The following MAP4K3 variants were observed in gnomAD, a reference collection of about 807,000 sequenced individuals.
MAP4K3 encodes mitogen-activated protein kinase kinase kinase kinase 3.
A neutral mutation model predicts 143.5 loss-of-function variants in MAP4K3; 94 were observed. That is an observed-to-expected ratio of 0.65 (90% confidence interval 0.55 to 0.78). The LOEUF is 0.78. Ranked by LOEUF, MAP4K3 falls within the 30% of genes least tolerant of loss-of-function variation. The pLI, the probability that MAP4K3 is intolerant of heterozygous loss-of-function variation, is 0.00. For synonymous variants in MAP4K3, 416 were observed against 347.2 expected (o/e 1.20, Z -2.20); for missense variants, 1,077 against 1,068.1 (o/e 1.01, Z -0.12).
At chr2:39,395,116 A>T (rs1188549962) in intron 1 of MAP4K3, among the ~76,000 whole-genome samples, 2 of 152,016 alleles carry the variant, frequency 1.3e-5, no homozygotes, top group East Asian at 1.9e-4. Context: ...CAGTTTAATT[A>T]AAAAAAAGAG....
chr2:39,395,752 CA>C (rs770366548), intron 1 of MAP4K3, among the ~76,000 whole-genome samples: 19 of 152,306 alleles, frequency 1.2e-4, no homozygotes, highest in Non-Finnish European at 2.1e-4. Context: ...ATCAGACACT[CA>C]AATATGCTAC....
At chr2:39,399,833 G>A (rs1366768600) in intron 1 of MAP4K3, among the ~76,000 whole-genome samples, 1 of 152,114 alleles carries the variant, frequency 6.6e-6, no homozygotes, top group Non-Finnish European at 1.5e-5. Context: ...GCTGTAAGTA[G>A]GATCTTTGTT....
chr2:39,265,387 A>C (rs912489739), intron 27 of MAP4K3, 81 bp from the exon 28 acceptor site: 1 of 882,952 alleles, frequency 1.1e-6, no homozygotes, highest in Non-Finnish European at 1.9e-6. Flanking sequence ...AAAAACAAAC[A>C]AAACTAAACA....
chr2:39,343,414 C>T lies in MAP4K3; in HGVS notation c.284G>A (p.Gly95Asp). 1 of 1,613,180 alleles carries T rather than the reference C, an allele frequency of 6.2e-7. No individual in the cohort carries two copies. The highest frequency in any genetic ancestry group is 8.5e-7 in the Non-Finnish European group (1 of 1,179,490). Residue 95 changes from glycine (G) to aspartate (D), a missense_variant, in exon 4 of 34, where the codon GGT becomes GAT. Transcript: ENST00000263881. ...GTGATAAATATCCTGTAAAGAACCA[C>T]CTCCACAAAACTCCATGCAAATCCA... ...KLWICMEFCGGGSLQDIYHVT... is the reference protein window; with the variant it reads ...KLWICMEFCGDGSLQDIYHVT...
intron 2 of MAP4K3, among the ~76,000 whole-genome samples, chr2:39,374,280 G>A (rs1450428892): frequency 6.6e-6 from 1 of 152,108 alleles, no homozygotes; most frequent in Admixed American, 6.5e-5. Context: ...TATTCATGAA[G>A]ATTGCTTGAA....
intron 2 of MAP4K3, among the ~76,000 whole-genome samples, chr2:39,369,196 TTTTTTTTTG>T (rs1050744962): frequency 5.7e-5 from 3 of 52,690 alleles, no homozygotes; most frequent in Non-Finnish European, 8.5e-5. Context: ...TGGGCTAGTT[TTTTTTTTTG>T]TTTTTTTTGA....
chr2:39,350,254 A>T (rs1665413756), intron 3 of MAP4K3, among the ~76,000 whole-genome samples: 1 of 152,226 alleles, frequency 6.6e-6, no homozygotes, highest in African/African-American at 2.4e-5. Flanking sequence ...CAGAAAAGAG[A>T]AAGACATGAA....
chr2:39,385,214 G>A (rs770987914), intron 1 of MAP4K3, among the ~76,000 whole-genome samples: 5 of 152,048 alleles, frequency 3.3e-5, no homozygotes, highest in African/African-American at 7.3e-5. Flanking sequence ...GTGTGACTAG[G>A]TCATATCATA....
Position 39,356,322 on chromosome 2 carries a change from C to T in MAP4K3, c.172G>A (p.Val58Met). 1 of 1,595,928 alleles carries T rather than the reference C, an allele frequency of 6.3e-7. No homozygotes were observed. The highest frequency in any genetic ancestry group is 8.5e-7 in the Non-Finnish European group (1 of 1,169,748). ...TTCATCATAATAATTTCTTGCTGCA[C>T]AACTGCAAAGTCTTCTCCTGGAATA... ...KLEPGEDFAV[V>M]QQEIIMMKDC... The change falls in exon 3 of 34, where the codon GTG becomes ATG. Residue 58 changes from valine to methionine, a missense_variant. Physicochemically the swap from Val to Met is conservative, Grantham distance 21 (BLOSUM62 1). Coordinates refer to ENST00000263881, the MANE Select transcript of MAP4K3 (RefSeq NM_003618.4).
intron 2 of MAP4K3, among the ~76,000 whole-genome samples, chr2:39,372,081 G>A (rs889003058): frequency 9.2e-5 from 14 of 151,696 alleles, no homozygotes; most frequent in Non-Finnish European, 2.9e-5. Flanking sequence ...GATAAATTCA[G>A]TAAAGCTGCA....
chr2:39,331,503 C>T lies in MAP4K3; in HGVS notation c.530+414G>A, dbSNP rs557635800. Reference sequence around the variant, plus strand: ...ATCTGCATTTGATCCTATAGGCAACCAAGACATGCCAAAAAGTTTTTAGCA... The same window carrying T: ...ATCTGCATTTGATCCTATAGGCAACTAAGACATGCCAAAAAGTTTTTAGCA... On this transcript the variant is annotated intron_variant, in intron 8 of 33. Transcript: ENST00000263881. Among the ~76,000 whole-genome samples the T allele has an allele frequency of 1.1e-3, 161 of 152,082 alleles. 3 individuals are homozygous for T. In the South Asian group the frequency reaches 0.021, roughly 20 times the overall value.
At chr2:39,297,882 T>G (rs976219634) in intron 16 of MAP4K3, among the ~76,000 whole-genome samples, 1 of 152,128 alleles carries the variant, frequency 6.6e-6, no homozygotes, top group Non-Finnish European at 1.5e-5. Flanking sequence ...AAAATGAAGG[T>G]TGGGCAAATT....
At chr2:39,385,465 G>A (rs944831911) in intron 1 of MAP4K3, among the ~76,000 whole-genome samples, 1 of 149,848 alleles carries the variant, frequency 6.7e-6, no homozygotes, top group East Asian at 2.0e-4. Context: ...GTGCTTACCT[G>A]CCATCCTTTG....
At chr2:39,296,269 G>A (rs1454474956) in intron 16 of MAP4K3, among the ~76,000 whole-genome samples, 1 of 152,140 alleles carries the variant, frequency 6.6e-6, no homozygotes, top group African/African-American at 2.4e-5. Context: ...AAGAGAAAAT[G>A]AAATATGGCT....
chr2:39,290,883 C>A (rs895617722), intron 18 of MAP4K3, among the ~76,000 whole-genome samples: 1 of 152,058 alleles, frequency 6.6e-6, no homozygotes, highest in Non-Finnish European at 1.5e-5. Context: ...ATCCTACCAT[C>A]GTGGTTAACA....
rs760951171 is a variant in MAP4K3 at position 39,260,762 on chromosome 2, T to C, written c.2152A>G (p.Ile718Val). ...FMLIKHIDFPIPCPLRMFEML... is the reference protein window; with the variant it reads ...FMLIKHIDFPVPCPLRMFEML... Reference sequence around the variant, plus strand: ...TCAAACATTCTAAGTGGACATGGTATAGGAAAATCTATGTGCTAGAGAAAG... The same window carrying C: ...TCAAACATTCTAAGTGGACATGGTACAGGAAAATCTATGTGCTAGAGAAAG... Residue 718 changes from isoleucine to valine, a missense_variant, in exon 29 of 34, where the codon ATA (isoleucine) becomes GTA (valine). This residue lies in a region of MAP4K3 where 864 missense variants were observed against 801.2 expected (regional missense o/e 1.08). Coordinates refer to ENST00000263881, the MANE Select transcript of MAP4K3 (RefSeq NM_003618.4). 2.5e-6 allele frequency: 4 copies of C among 1,610,556 alleles called. No individual in the cohort carries two copies. The highest frequency in any genetic ancestry group is 1.7e-5 in the Admixed American group (1 of 59,678).
intron 32 of MAP4K3, 36 bp downstream of exon 32, chr2:39,254,414 T>C (rs1573056325): frequency 6.6e-7 from 1 of 1,514,694 alleles, no homozygotes; most frequent in Admixed American, 1.7e-5. Context: ...AATTTGATAA[T>C]GTCTTGTGAC....
rs544576800 is a variant in MAP4K3 at position 39,277,021 on chromosome 2, A to T, written c.1794+1386T>A. On this transcript the variant is annotated intron_variant, in intron 24 of 33. Coordinates refer to ENST00000263881, the MANE Select transcript of MAP4K3 (RefSeq NM_003618.4). ...GATATGTGAATTATATCTCGATAAAACTGTTTTTGAAAAATATCTTTTCCC... is the reference window on the plus strand; with the variant it reads ...GATATGTGAATTATATCTCGATAAATCTGTTTTTGAAAAATATCTTTTCCC... 2.0e-4 allele frequency among the ~76,000 whole-genome samples: 31 copies of T among 152,322 alleles called. No individual in the cohort carries two copies. In the East Asian group the frequency reaches 4.2e-3, roughly 21 times the overall value.
chr2:39,411,866 A>T (rs1667241419), intron 1 of MAP4K3, among the ~76,000 whole-genome samples: 1 of 152,222 alleles, frequency 6.6e-6, no homozygotes, highest in African/African-American at 2.4e-5. Flanking sequence ...CTACATGGTG[A>T]CTAATAAAAG....
Sources: allele counts gnomAD v4.1 joint callset (sites outside exome capture counted in the v4.1 genomes callset), GRCh38; gene constraint gnomAD v4.1.1; regional missense constraint gnomAD v4.1.1; transcripts MANE v1.5; gene names NCBI Gene and HGNC (gene_info 2026-07-23, HGNC 2026-07-21).